The following ALK variants were observed in gnomAD, a reference collection of about 807,000 sequenced individuals.
The protein encoded by ALK is ALK receptor tyrosine kinase.
A neutral mutation model predicts 163.1 loss-of-function variants in ALK; 74 were observed. The ratio of observed to expected loss-of-function variants is 0.45; its 90% CI spans 0.38 to 0.55. The LOEUF (loss-of-function observed/expected upper bound fraction) is 0.55. Ranked by LOEUF, ALK falls within the 20% of genes least tolerant of loss-of-function variation. ALK has a pLI of 0.00. For missense variants in ALK, 2,063 were observed against 2,105.3 expected (o/e 0.98, Z 0.39); for synonymous variants, 960 against 843.2 (o/e 1.14, Z -2.40).
chr2:29,292,654 T>C (rs1040342921), intron 9 of ALK, among the ~76,000 whole-genome samples: 3 of 152,232 alleles, frequency 2.0e-5, no homozygotes, highest in East Asian at 3.8e-4. Flanking sequence ...CTTGAGAGCA[T>C]TTATCTGTAT....
In ALK at chr2:29,717,171, C is replaced by CAA. The variant is rs754615995; in HGVS notation, c.787+405_787+406dup. 7.1e-3 allele frequency among the ~76,000 whole-genome samples: 499 copies of CAA among 70,544 alleles called. 24 individuals carry two copies. Among genetic ancestry groups the CAA allele is most frequent in the African/African-American group, 0.027 (412 of 15,378 alleles). 46.3% of individuals were successfully genotyped at this position (70,544 alleles called of 152,430 possible). A position where few individuals can be genotyped will look rare whatever the true frequency, so the allele number is the denominator to read the frequency against. On this transcript the variant is annotated intron_variant, in intron 2 of 28. Transcript: ENST00000389048. ...TGGGCGACAGAGCAAGACTCTGTCT[C>CAA]AAAAAAAAAAAAAAAAAAAGAGAGA...
chr2:29,780,136 G>T (rs947941796), intron 1 of ALK, among the ~76,000 whole-genome samples: 2 of 152,182 alleles, frequency 1.3e-5, no homozygotes, highest in African/African-American at 4.8e-5. Context: ...GCAGTCAATA[G>T]TGTCTACACA....
intron 1 of ALK, among the ~76,000 whole-genome samples, chr2:29,913,134 GA>G (rs1048472471): frequency 8.8e-5 from 13 of 146,904 alleles, no homozygotes; most frequent in East Asian, 6.0e-4. Flanking sequence ...TAAGGTGCAA[GA>G]AAAAAAAAAG....
intron 3 of ALK, among the ~76,000 whole-genome samples, chr2:29,649,510 AT>A (rs1676981511): frequency 2.0e-5 from 3 of 152,122 alleles, no homozygotes; most frequent in Admixed American, 2.0e-4. Flanking sequence ...TAGGAGGGTG[AT>A]TGGGCCAGGA....
At chr2:29,419,544 T>C (rs776028553) in intron 4 of ALK, among the ~76,000 whole-genome samples, 4 of 151,242 alleles carry the variant, frequency 2.6e-5, no homozygotes, top group Non-Finnish European at 5.9e-5. Context: ...TGGCTAAAAA[T>C]GTGGTATGAA....
At chr2:29,836,439 T>C (rs1665561381) in intron 1 of ALK, among the ~76,000 whole-genome samples, 1 of 152,086 alleles carries the variant, frequency 6.6e-6, no homozygotes, top group South Asian at 2.1e-4. Context: ...CTAGTCACCA[T>C]GAAAAAAATA....
At chr2:29,718,261 G>C (rs1223949093) in intron 1 of ALK, among the ~76,000 whole-genome samples, 3 of 152,304 alleles carry the variant, frequency 2.0e-5, no homozygotes, top group African/African-American at 7.2e-5. Flanking sequence ...AAGCCAAAAG[G>C]ATTAATGTTT....
chr2:29,600,761 C>T (rs995740402), intron 3 of ALK, among the ~76,000 whole-genome samples: 17 of 152,004 alleles, frequency 1.1e-4, no homozygotes, highest in African/African-American at 3.4e-4. Context: ...TCTGGGGACA[C>T]GTTAAGAGTT....
At chr2:29,327,468 T>C (rs1398025272) in intron 6 of ALK, among the ~76,000 whole-genome samples, 1 of 152,072 alleles carries the variant, frequency 6.6e-6, no homozygotes, top group Non-Finnish European at 1.5e-5. Context: ...GGCAAAGATA[T>C]GGAGAAAGTG....
intron 1 of ALK, among the ~76,000 whole-genome samples, chr2:29,912,980 C>T (rs965690460): frequency 3.9e-5 from 6 of 152,154 alleles, no homozygotes; most frequent in African/African-American, 9.7e-5. Context: ...TTTCCTTTGG[C>T]TAGTTTCCTG....
intron 11 of ALK, among the ~76,000 whole-genome samples, chr2:29,261,388 TAA>T (rs371606898): frequency 1.4e-5 from 2 of 146,234 alleles, no homozygotes; most frequent in African/African-American, 5.0e-5. Context: ...TTGGAAAGAT[TAA>T]AAAAAAAAAA....
chr2:29,658,506 A>T (rs974163092), intron 3 of ALK, among the ~76,000 whole-genome samples: 2 of 152,198 alleles, frequency 1.3e-5, no homozygotes, highest in African/African-American at 2.4e-5. Flanking sequence ...CTACTTGCCA[A>T]ATACCACCAA....
At chr2:29,796,939 C>G (rs1043819221) in intron 1 of ALK, among the ~76,000 whole-genome samples, 1 of 151,176 alleles carries the variant, frequency 6.6e-6, no homozygotes, top group African/African-American at 2.4e-5. Context: ...GGCTCAATGA[C>G]AACAATAACA....
chr2:29,805,866 A>G (rs1461256173), intron 1 of ALK, among the ~76,000 whole-genome samples: 6 of 152,166 alleles, frequency 3.9e-5, no homozygotes, highest in East Asian at 1.9e-4. Context: ...CTGACTCTTC[A>G]TCTCTATTTC....
At chr2:29,855,643 G>C (rs932225997) in intron 1 of ALK, among the ~76,000 whole-genome samples, 2 of 152,124 alleles carry the variant, frequency 1.3e-5, no homozygotes, top group African/African-American at 2.4e-5. Flanking sequence ...AAGTCTCTGT[G>C]CCTCCCTCAA....
At chr2:29,633,983 A>T (rs975925844) in intron 3 of ALK, among the ~76,000 whole-genome samples, 1 of 152,228 alleles carries the variant, frequency 6.6e-6, no homozygotes, top group Non-Finnish European at 1.5e-5. Context: ...TCCACCAAAC[A>T]TATAAAGAAT....
chr2:29,794,542 C>G (rs1488327984), intron 1 of ALK, among the ~76,000 whole-genome samples: 3 of 152,138 alleles, frequency 2.0e-5, no homozygotes, highest in African/African-American at 7.2e-5. Flanking sequence ...TTAATCATGT[C>G]TAGTTTTTTA....
chr2:29,571,740 C>T (rs535371821), intron 3 of ALK, among the ~76,000 whole-genome samples: 1 of 151,000 alleles, frequency 6.6e-6, no homozygotes, highest in African/African-American at 2.4e-5. Context: ...CCTCAGCCTC[C>T]TGAGTAGCTC....
intron 12 of ALK, 115 bp from the exon 13 acceptor site, chr2:29,239,945 TC>T: frequency 8.1e-7 from 1 of 1,232,408 alleles, no homozygotes. Context: ...CTGAGGGTTC[TC>T]CCCCATATCA....
Sources: gnomAD v4.1 joint callset for allele counts (sites outside exome capture counted in the v4.1 genomes callset) on GRCh38, gnomAD v4.1.1 for gene constraint, MANE v1.5 for transcripts, NCBI Gene and HGNC (gene_info 2026-07-23, HGNC 2026-07-21) for gene names.